The following ZNF804B variants were observed in gnomAD, a reference collection of about 807,000 sequenced individuals.
The protein encoded by ZNF804B is zinc finger 804B.
ZNF804B carries 80 observed loss-of-function variants against 101.4 expected under a neutral mutation model. The ratio of observed to expected loss-of-function variants is 0.79; its 90% CI spans 0.66 to 0.95. The LOEUF is 0.95. Ranked by LOEUF, ZNF804B falls within the 40% of genes least tolerant of loss-of-function variation. ZNF804B has a pLI of 0.00. For missense variants in ZNF804B, 1,673 were observed against 1,561.9 expected, an observed-to-expected ratio of 1.07 and a Z score of -1.20; for synonymous variants, 622 against 558.8, an observed-to-expected ratio of 1.11 and a Z score of -1.59.
chr7:89,007,742 T>C (rs1289854276), intron 1 of ZNF804B, among the ~76,000 whole-genome samples: 2 of 150,470 alleles, frequency 1.3e-5, no homozygotes, highest in East Asian at 3.9e-4. Flanking sequence ...TCATGACTCA[T>C]GAAACTATAA....
At chr7:89,169,991 G>A (rs1187089907) in intron 1 of ZNF804B, among the ~76,000 whole-genome samples, 6 of 152,080 alleles carry the variant, frequency 3.9e-5, no homozygotes, top group Admixed American at 1.3e-4. Context: ...GAAAAATTTC[G>A]AAGGCCTTGG....
chr7:88,955,621 A>G (rs887533462), intron 1 of ZNF804B, among the ~76,000 whole-genome samples: 4 of 151,694 alleles, frequency 2.6e-5, no homozygotes, highest in Admixed American at 2.0e-4. Flanking sequence ...TAAACTATTA[A>G]CACTTATAAT....
chr7:89,034,621 G>A (rs534646213), intron 1 of ZNF804B, among the ~76,000 whole-genome samples: 1 of 152,272 alleles, frequency 6.6e-6, no homozygotes, highest in South Asian at 2.1e-4. Flanking sequence ...TGGTGTATGT[G>A]TGCCACATTT....
intron 1 of ZNF804B, among the ~76,000 whole-genome samples, chr7:89,198,228 T>C (rs986409716): frequency 1.3e-5 from 2 of 151,946 alleles, no homozygotes; most frequent in African/African-American, 4.8e-5. Flanking sequence ...TGGAGTCATA[T>C]GTAATTTTTA....
intron 1 of ZNF804B, among the ~76,000 whole-genome samples, chr7:88,896,485 CA>C (rs1381711475): frequency 1.3e-5 from 2 of 152,072 alleles, no homozygotes; most frequent in African/African-American, 2.4e-5. Context: ...ATGGAGGCTT[CA>C]AAAAGATTAT....
At chr7:88,967,792 T>G (rs540141700) in intron 1 of ZNF804B, among the ~76,000 whole-genome samples, 3 of 151,300 alleles carry the variant, frequency 2.0e-5, no homozygotes, top group African/African-American at 4.8e-5. Context: ...AAATTTACTG[T>G]TTTTCAACCA....
At chr7:89,266,332 G>A (rs1206739126) in intron 2 of ZNF804B, among the ~76,000 whole-genome samples, 2 of 151,902 alleles carry the variant, frequency 1.3e-5, no homozygotes, top group Non-Finnish European at 2.9e-5. Flanking sequence ...GGTCATATTT[G>A]CATTTCAAAA....
intron 1 of ZNF804B, among the ~76,000 whole-genome samples, chr7:89,115,345 C>T (rs2116358222): frequency 6.6e-6 from 1 of 152,306 alleles, no homozygotes; most frequent in East Asian, 1.9e-4. Context: ...AAAACATCTA[C>T]AACAAGTGTA....
chr7:89,054,056 GTTAT>G (rs1789253227), intron 1 of ZNF804B, among the ~76,000 whole-genome samples: 1 of 151,814 alleles, frequency 6.6e-6, no homozygotes, highest in African/African-American at 2.4e-5. Context: ...TTAAAATGTG[GTTAT>G]TTGTCTTAAA....
intron 1 of ZNF804B, among the ~76,000 whole-genome samples, chr7:89,168,909 A>G (rs760358473): frequency 2.0e-5 from 3 of 152,056 alleles, no homozygotes; most frequent in Middle Eastern, 3.2e-3. Flanking sequence ...CCAAGATGGC[A>G]GGAAGCCTTT....
rs955705630 is a variant in ZNF804B, at chr7:88,948,387, C to T, written c.108+188303C>T. On this transcript the variant is annotated intron_variant, in intron 1 of 3. Transcript: ENST00000333190. ...GTGCAGCGGTATGATCATGGGCCATCGCAGCCTCAACCTCCAAGGCTATGA... is the reference window on the plus strand; with the variant it reads ...GTGCAGCGGTATGATCATGGGCCATTGCAGCCTCAACCTCCAAGGCTATGA... 4.1e-5 allele frequency among the ~76,000 whole-genome samples: 6 copies of T among 145,972 alleles called. No homozygotes were observed. In the South Asian group the frequency reaches 6.5e-4, roughly 16 times the overall value.
At chr7:89,069,668 T>G (rs1583968484) in intron 1 of ZNF804B, among the ~76,000 whole-genome samples, 1 of 152,174 alleles carries the variant, frequency 6.6e-6, no homozygotes, top group African/African-American at 2.4e-5. Context: ...TGTTTGGAAC[T>G]GTATACAGTA....
chr7:88,827,180 A>G, intron 1 of ZNF804B, among the ~76,000 whole-genome samples: 1 of 152,006 alleles, frequency 6.6e-6, no homozygotes, highest in East Asian at 1.9e-4. Flanking sequence ...TAGAAGCCTT[A>G]ATATTTTAGT....
At chr7:88,913,056 TCAA>T (rs1208280377) in intron 1 of ZNF804B, among the ~76,000 whole-genome samples, 1 of 152,142 alleles carries the variant, frequency 6.6e-6, no homozygotes, top group Non-Finnish European at 1.5e-5. Context: ...AGCTTCCTGG[TCAA>T]CAAAGCCAGC....
intron 1 of ZNF804B, among the ~76,000 whole-genome samples, chr7:89,187,066 T>C (rs2115601219): frequency 6.6e-6 from 1 of 152,294 alleles, no homozygotes; most frequent in Middle Eastern, 3.4e-3. Flanking sequence ...CTCTCAGCAT[T>C]TTATTTGCAA....
At chr7:88,957,571 C>T (rs532467880) in intron 1 of ZNF804B, among the ~76,000 whole-genome samples, 1 of 151,176 alleles carries the variant, frequency 6.6e-6, no homozygotes. Flanking sequence ...AAAATATTTT[C>T]TGGTATTCTT....
chr7:89,268,416 A>G (rs1789831654), intron 2 of ZNF804B, among the ~76,000 whole-genome samples: 4 of 152,126 alleles, frequency 2.6e-5, no homozygotes. Context: ...CACCTATGTT[A>G]GACTTCTTTA....
At position 89,277,064 on chromosome 7, in the gene ZNF804B, A is replaced by T. The variant is rs941325712; in HGVS notation, c.250-50280A>T. Among the ~76,000 whole-genome samples the T allele has an allele frequency of 7.3e-5, 11 of 150,400 alleles. No individual in the cohort carries two copies. In the East Asian group the frequency reaches 2.1e-3, roughly 29 times the overall value. ...TTGAAGCAACTTTGGTCTGTTGTCA[A>T]ATTTAATAGACATTTTCAGTTTATT... On this transcript the variant is annotated intron_variant, in intron 2 of 3. Transcript: ENST00000333190.
intron 1 of ZNF804B, among the ~76,000 whole-genome samples, chr7:89,163,982 A>G (rs1455592287): frequency 1.3e-5 from 2 of 151,862 alleles, no homozygotes; most frequent in African/African-American, 2.4e-5. Context: ...ACGCAAGGGA[A>G]TGACCATTTT....
Sources: gnomAD v4.1 joint callset for allele counts (sites outside exome capture counted in the v4.1 genomes callset) on GRCh38, gnomAD v4.1.1 for gene constraint, MANE v1.5 for transcripts, NCBI Gene and HGNC (gene_info 2026-07-23, HGNC 2026-07-21) for gene names.